B3GALT1: variants seen among roughly 807,000 people sequenced by gnomAD.
B3GALT1 encodes the protein beta-1,3-galactosyltransferase 1, also known as UDP-Gal:betaGlcNAc beta 1,3-galactosyltransferase, polypeptide 1.
Under a neutral mutation model 23.2 loss-of-function variants are expected in B3GALT1, and 10 were observed. The ratio of observed to expected loss-of-function variants is 0.43; its 90% confidence interval spans 0.27 to 0.73. B3GALT1 has a LOEUF of 0.73. Among genes scored for constraint, B3GALT1 ranks in the 30% least tolerant of loss-of-function variants. The pLI is 0.21. For missense variants in B3GALT1, 299 were observed against 405.4 expected (o/e 0.74, Z 2.25); for synonymous variants, 156 against 141.5 (o/e 1.10, Z -0.73).
intron 1 of B3GALT1, among the ~76,000 whole-genome samples, chr2:167,462,662 C>A (rs149591903): frequency 6.6e-6 from 1 of 152,242 alleles, no homozygotes; most frequent in Non-Finnish European, 1.5e-5. Context: ...AATTTTGCAT[C>A]ATTAGCTTCA....
intron 4 of B3GALT1, among the ~76,000 whole-genome samples, chr2:167,826,759 C>CACAACAATAAAAGATAATAT: frequency 1.3e-5 from 2 of 152,208 alleles, no homozygotes; most frequent in South Asian, 4.1e-4. Context: ...AACATAACAA[C>CACAACAATAAAAGATAATAT]ACAACAATAA....
chr2:167,596,898 A>G (rs189631715), intron 2 of B3GALT1, among the ~76,000 whole-genome samples: 7 of 152,312 alleles, frequency 4.6e-5, no homozygotes, highest in Admixed American at 4.6e-4. Context: ...ATTATAGATT[A>G]CACAAATGTC....
At chr2:167,462,938 A>G (rs1386836057) in intron 1 of B3GALT1, among the ~76,000 whole-genome samples, 1 of 152,158 alleles carries the variant, frequency 6.6e-6, no homozygotes, top group Non-Finnish European at 1.5e-5. Flanking sequence ...TGCCATATAA[A>G]TTTGTTCTGT....
intron 3 of B3GALT1, among the ~76,000 whole-genome samples, chr2:167,746,174 G>T (rs1346203120): frequency 8.6e-5 from 13 of 150,906 alleles, no homozygotes; most frequent in Non-Finnish European, 1.8e-4. Context: ...TTATTGTTCT[G>T]TTGGTTGTGA....
At chr2:167,406,698 G>A (rs140032593) in intron 1 of B3GALT1, among the ~76,000 whole-genome samples, 9 of 152,204 alleles carry the variant, frequency 5.9e-5, no homozygotes, top group East Asian at 3.9e-4. Flanking sequence ...CAAAGGAGGG[G>A]GCAGGACTGA....
At chr2:167,801,373 C>T (rs1269706239) in intron 3 of B3GALT1, among the ~76,000 whole-genome samples, 1 of 152,194 alleles carries the variant, frequency 6.6e-6, no homozygotes, top group East Asian at 1.9e-4. Context: ...TTCCTCCAGA[C>T]CATACTTTAA....
At position 167,710,481 on chromosome 2, in the gene B3GALT1, C is replaced by G. The variant is rs538203701; in HGVS notation, c.-352+63515C>G. ...GCTACCCAAGGGTGGTGAAACTGCT[C>G]GGGAAGTTTCTGTTAGGAGTTTGGC... On this transcript the variant is annotated intron_variant, in intron 3 of 4. Transcript: ENST00000392690. 7.9e-4 allele frequency among the ~76,000 whole-genome samples: 121 copies of G among 152,280 alleles called. 1 individual carries two copies. The South Asian group carries it at 0.012, about 15-fold the overall frequency.
intron 2 of B3GALT1, among the ~76,000 whole-genome samples, chr2:167,609,054 A>G (rs1027398813): frequency 6.6e-6 from 1 of 152,098 alleles, no homozygotes; most frequent in South Asian, 2.1e-4. Context: ...CATTTCCATT[A>G]TAAATGTTGC....
chr2:167,435,952 CAA>C (rs1698777241), intron 1 of B3GALT1, among the ~76,000 whole-genome samples: 5 of 127,212 alleles, frequency 3.9e-5, no homozygotes, highest in East Asian at 2.4e-4. Flanking sequence ...CACACACACA[CAA>C]ACACACACAC....
At chr2:167,463,221 T>G (rs1200300101) in intron 1 of B3GALT1, among the ~76,000 whole-genome samples, 1 of 152,118 alleles carries the variant, frequency 6.6e-6, no homozygotes, top group Non-Finnish European at 1.5e-5. Context: ...TGGGCCAAAT[T>G]TTAAGATCTA....
chr2:167,324,737 A>G (rs1559065897), intron 1 of B3GALT1, among the ~76,000 whole-genome samples: 1 of 152,032 alleles, frequency 6.6e-6, no homozygotes, highest in Non-Finnish European at 1.5e-5. Flanking sequence ...TTTTCTGGCT[A>G]TTTTGAAAAA....
intron 2 of B3GALT1, among the ~76,000 whole-genome samples, chr2:167,576,183 G>A (rs1684379996): frequency 6.6e-6 from 1 of 151,588 alleles, no homozygotes; most frequent in Admixed American, 6.6e-5. Context: ...ACTGAATTAA[G>A]GACTTTATTT....
chr2:167,438,570 T>C (rs1415528551), intron 1 of B3GALT1, among the ~76,000 whole-genome samples: 1 of 152,198 alleles, frequency 6.6e-6, no homozygotes, highest in African/African-American at 2.4e-5. Flanking sequence ...CATAAATTGC[T>C]GAGAACCAAA....
intron 1 of B3GALT1, among the ~76,000 whole-genome samples, chr2:167,424,637 C>T (rs201132946): frequency 4.6e-5 from 7 of 151,076 alleles, no homozygotes; most frequent in Non-Finnish European, 8.9e-5. Context: ...AAATAGTTTG[C>T]AAGCCATATT....
chr2:167,456,237 A>G (rs1699172424), intron 1 of B3GALT1, among the ~76,000 whole-genome samples: 1 of 152,170 alleles, frequency 6.6e-6, no homozygotes, highest in Non-Finnish European at 1.5e-5. Flanking sequence ...GGAGTGAGAG[A>G]GAGAGGTAGA....
intron 2 of B3GALT1, among the ~76,000 whole-genome samples, chr2:167,619,769 G>A (rs549494465): frequency 2.0e-5 from 3 of 152,158 alleles, no homozygotes; most frequent in African/African-American, 7.2e-5. Flanking sequence ...TTTCTGTGTA[G>A]TGAAAACTAA....
At chr2:167,764,915 G>A (rs1472673987) in intron 3 of B3GALT1, among the ~76,000 whole-genome samples, 1 of 152,110 alleles carries the variant, frequency 6.6e-6, no homozygotes, top group Non-Finnish European at 1.5e-5. Flanking sequence ...CAGAGAAAAG[G>A]AGGTTCGGGA....
intron 1 of B3GALT1, among the ~76,000 whole-genome samples, chr2:167,356,586 A>G (rs1020887802): frequency 6.6e-6 from 1 of 152,156 alleles, no homozygotes; most frequent in Non-Finnish European, 1.5e-5. Flanking sequence ...AAATAAAGCT[A>G]GCTGCAAATC....
Position 167,590,728 on chromosome 2 carries a change from C to T in B3GALT1, c.-409-56181C>T, listed in dbSNP as rs192223358. The stretch of plus-strand genomic sequence containing the variant: ...TTAAAAATCCATGTTTCCCAAATGA[C>T]TCTTGATATTTTTTTGAAGAAATAT... On this transcript the variant is annotated intron_variant, in intron 2 of 4. Coordinates refer to ENST00000392690, the MANE Select transcript of B3GALT1 (RefSeq NM_020981.4). Among the ~76,000 whole-genome samples the T allele has an allele frequency of 2.0e-5, 3 of 152,268 alleles. No homozygotes were observed. In the East Asian group the frequency reaches 5.8e-4, roughly 29 times the overall value.
Sources: gnomAD v4.1 joint callset for allele counts (sites outside exome capture counted in the v4.1 genomes callset) on GRCh38, gnomAD v4.1.1 for gene constraint, MANE v1.5 for transcripts, NCBI Gene and HGNC (gene_info 2026-07-23, HGNC 2026-07-21) for gene names.